TTC3: variants seen among roughly 807,000 people sequenced by gnomAD.
TTC3 encodes the protein E3 ubiquitin-protein ligase TTC3.
In TTC3, 180 loss-of-function variants were observed where a neutral mutation model predicts 249.6. The ratio of observed to expected loss-of-function variants is 0.72; its 90% confidence interval spans 0.64 to 0.82. The LOEUF is 0.82. Ranked by LOEUF, TTC3 falls within the 40% of genes least tolerant of loss-of-function variation. TTC3 has a pLI of 0.00. For synonymous variants in TTC3, 717 were observed against 805.0 expected, an observed-to-expected ratio of 0.89 and a Z score of 1.85; for missense variants, 2,061 against 2,398.4, an observed-to-expected ratio of 0.86 and a Z score of 2.94.
chr21:37,118,973 TATA>T (rs1336728884), intron 11 of TTC3, among the ~76,000 whole-genome samples: 1 of 152,190 alleles, frequency 6.6e-6, no homozygotes, highest in Non-Finnish European at 1.5e-5. Context: ...AGGGGATAGT[TATA>T]ATAAGTATTT....
chr21:37,086,930 C>T, intron 1 of TTC3: 1 of 257,434 alleles, frequency 3.9e-6, no homozygotes, highest in South Asian at 8.1e-5. Context: ...TTACCATGTG[C>T]TAGGCACATA....
At chr21:37,145,212 T>G (rs2078878028) in intron 21 of TTC3, among the ~76,000 whole-genome samples, 1 of 152,248 alleles carries the variant, frequency 6.6e-6, no homozygotes, top group South Asian at 2.1e-4. Context: ...CTTTTACTTG[T>G]AGTGAACTCT....
intron 9 of TTC3, among the ~76,000 whole-genome samples, chr21:37,096,269 G>C (rs181959633): frequency 6.6e-6 from 1 of 152,286 alleles, no homozygotes; most frequent in East Asian, 1.9e-4. Flanking sequence ...CTATCCTCTA[G>C]AGTTACTCTG....
intron 36 of TTC3, among the ~76,000 whole-genome samples, chr21:37,183,212 C>T (rs138577826): frequency 0.01 from 1,562 of 152,238 alleles, 16 homozygotes; most frequent in East Asian, 0.03. Flanking sequence ...CTCTGGCCCT[C>T]TTTTTTCTTA....
At chr21:37,186,822 A>T (rs146669059) in intron 37 of TTC3, among the ~76,000 whole-genome samples, 2 of 152,298 alleles carry the variant, frequency 1.3e-5, no homozygotes, top group East Asian at 3.9e-4. Flanking sequence ...CAGCATGCCC[A>T]CCTAATGTGC....
intron 1 of TTC3, among the ~76,000 whole-genome samples, chr21:37,085,434 G>A (rs903213964): frequency 6.6e-6 from 1 of 152,162 alleles, no homozygotes; most frequent in African/African-American, 2.4e-5. Context: ...CCCTTGAATG[G>A]TCGAAGTGGA....
chr21:37,130,505 T>C (rs953300334), intron 16 of TTC3, among the ~76,000 whole-genome samples: 1 of 152,204 alleles, frequency 6.6e-6, no homozygotes, highest in Non-Finnish European at 1.5e-5. Context: ...GATAACCACG[T>C]AAAACACTTA....
At chr21:37,177,356 G>A (rs2082370617) in intron 35 of TTC3, among the ~76,000 whole-genome samples, 1 of 152,102 alleles carries the variant, frequency 6.6e-6, no homozygotes, top group East Asian at 1.9e-4. Flanking sequence ...CCCGGGCTGG[G>A]GAAGATAGAC....
Position 37,201,723 on chromosome 21 carries a change from T to C in TTC3, c.*149T>C, listed in dbSNP as rs992826719. 8 of 996,462 alleles carry C rather than the reference T, an allele frequency of 8.0e-6. No homozygotes were observed. In the African/African-American group the frequency reaches 9.8e-5, roughly 12 times the overall value. The allele number at this position is 996,462 out of a possible 1,614,324, so 61.7% of individuals were successfully genotyped here. ...ATGGAAATCGTTAATATCGCTGATA[T>C]TAAGTAATTTCCCCACTCTGAGTGA... On this transcript the variant is annotated 3_prime_UTR_variant, in exon 46 of 46. Transcript: ENST00000355666.
intron 10 of TTC3, chr21:37,096,925 C>A: frequency 3.8e-6 from 1 of 261,786 alleles, no homozygotes; most frequent in Non-Finnish European, 7.2e-6. Flanking sequence ...TGTTATAGTC[C>A]ACATTTTACA....
chr21:37,162,606 T>A (rs1197250173), intron 31 of TTC3, among the ~76,000 whole-genome samples: 1 of 152,138 alleles, frequency 6.6e-6, no homozygotes, highest in Non-Finnish European at 1.5e-5. Context: ...GAACCAAAAA[T>A]GTACAACATG....
At chr21:37,164,166 A>G in exon 32 of TTC3, 1 of 1,613,402 alleles carries the variant, frequency 6.2e-7, no homozygotes, top group East Asian at 2.2e-5. Flanking sequence ...TGTCCGCAAT[A>G]AGAAGCTATG....
intron 10 of TTC3, chr21:37,098,049 G>A (rs1430427883): frequency 1.2e-5 from 8 of 651,670 alleles, no homozygotes; most frequent in African/African-American, 3.7e-5. Flanking sequence ...CTTAAGCCGT[G>A]GATAAACCGA....
exon 33 of TTC3, chr21:37,165,674 C>T (rs1053840): frequency 6.2e-7 from 1 of 1,613,976 alleles, no homozygotes. Context: ...AGGTTTAAAA[C>T]CTTTTCTCTT....
chr21:37,086,788 G>A (rs893554379), intron 1 of TTC3: 1 of 161,682 alleles, frequency 6.2e-6, no homozygotes, highest in Non-Finnish European at 1.4e-5. Context: ...GGTTAGGCCA[G>A]GAGATTGAGA....
At chr21:37,163,924 T>G in intron 31 of TTC3, 127 bp from the exon 32 acceptor site, 2 of 1,007,196 alleles carry the variant, frequency 2.0e-6, no homozygotes, top group Non-Finnish European at 2.7e-6. Context: ...GCTATTTTTT[T>G]GCAACATAGA....
intron 4 of TTC3, 128 bp from the exon 5 acceptor site, chr21:37,088,671 A>T: frequency 1.2e-6 from 1 of 839,404 alleles, no homozygotes. Context: ...TAGCTTAGTT[A>T]TTGTTACCTA....
At chr21:37,201,378 A>G in intron 45 of TTC3, 62 bp from the exon 46 acceptor site, 6 of 1,608,568 alleles carry the variant, frequency 3.7e-6, no homozygotes, top group Non-Finnish European at 5.1e-6. Flanking sequence ...CCAGCAGCAC[A>G]GGGGAGCTAA....
chr21:37,128,385 GC>G (rs1376994370), intron 15 of TTC3, among the ~76,000 whole-genome samples: 4 of 152,292 alleles, frequency 2.6e-5, no homozygotes, highest in African/African-American at 9.6e-5. Flanking sequence ...ACTCACCTCA[GC>G]CTGCCTTAGC....
Sources: gnomAD v4.1 joint callset for allele counts (sites outside exome capture counted in the v4.1 genomes callset) on GRCh38, gnomAD v4.1.1 for gene constraint, MANE v1.5 for transcripts, NCBI Gene and HGNC (gene_info 2026-07-23, HGNC 2026-07-21) for gene names.